FUT9: variants seen among roughly 807,000 people sequenced by gnomAD.
The protein encoded by FUT9 is 4-galactosyl-N-acetylglucosaminide 3-alpha-L-fucosyltransferase 9.
Under a neutral mutation model 29.7 loss-of-function variants are expected in FUT9, and 15 were observed. That is an observed-to-expected ratio of 0.51 (90% CI 0.34 to 0.78). FUT9 has a LOEUF of 0.78. FUT9 is among the 30% of genes least tolerant of loss of function. FUT9 has a pLI of 0.01. For missense variants in FUT9, 319 were observed against 425.4 expected (o/e 0.75, Z 2.20); for synonymous variants, 169 against 153.7 (o/e 1.10, Z -0.74).
chr6:96,086,212 C>T (rs917073000), intron 1 of FUT9, among the ~76,000 whole-genome samples: 3 of 152,186 alleles, frequency 2.0e-5, no homozygotes, highest in Admixed American at 1.3e-4. Context: ...TTATTGCCAA[C>T]ACTTTGTGTT....
chr6:96,156,594 A>G (rs1772789746), intron 2 of FUT9, among the ~76,000 whole-genome samples: 1 of 152,132 alleles, frequency 6.6e-6, no homozygotes, highest in African/African-American at 2.4e-5. Context: ...CCTAGCGTGC[A>G]TGTGGACCCT....
At chr6:96,077,811 A>G (rs1771163426) in intron 1 of FUT9, among the ~76,000 whole-genome samples, 1 of 152,188 alleles carries the variant, frequency 6.6e-6, no homozygotes, top group Non-Finnish European at 1.5e-5. Flanking sequence ...CTCAACTAAT[A>G]ATGTAGTCAA....
At position 96,205,668 on chromosome 6, in the gene FUT9, G is replaced by A. The variant is rs1422983062; in HGVS notation, c.*1433G>A. On this transcript the variant is annotated 3_prime_UTR_variant, in exon 3 of 3. Coordinates refer to ENST00000302103, the MANE Select transcript of FUT9 (RefSeq NM_006581.4). ...AGATGGGCCATTAAGGATTCTTCAAGGAAAACATTCCTCAAAATGATCTTT... is the reference window on the plus strand; with the variant it reads ...AGATGGGCCATTAAGGATTCTTCAAAGAAAACATTCCTCAAAATGATCTTT... 2.4e-5 allele frequency: 4 copies of A among 166,332 alleles called. No homozygotes were observed. The highest frequency in any genetic ancestry group is 9.7e-5 in the African/African-American group (4 of 41,438). 10.3% of individuals were successfully genotyped at this position (166,332 alleles called of 1,614,324 possible). A position where few individuals can be genotyped will look rare whatever the true frequency, so the allele number is the denominator to read the frequency against.
intron 1 of FUT9, among the ~76,000 whole-genome samples, chr6:96,077,227 C>T (rs2127949469): frequency 6.6e-6 from 1 of 152,176 alleles, no homozygotes; most frequent in South Asian, 2.1e-4. Flanking sequence ...TGCTCCCCCA[C>T]CAACACACAC....
intron 2 of FUT9, among the ~76,000 whole-genome samples, chr6:96,138,754 T>C (rs1354576403): frequency 6.6e-6 from 1 of 151,826 alleles, no homozygotes; most frequent in Non-Finnish European, 1.5e-5. Context: ...CCATAACAGA[T>C]TTTTTTTAAG....
At chr6:96,019,531 G>C (rs79979354) in intron 1 of FUT9, among the ~76,000 whole-genome samples, 10,370 of 151,938 alleles carry the variant, frequency 0.068, 424 homozygotes, top group Admixed American at 0.12. Flanking sequence ...ATTCAGGAGG[G>C]AGTATTTAGC....
intron 2 of FUT9, among the ~76,000 whole-genome samples, chr6:96,159,332 T>C (rs1463601319): frequency 1.3e-5 from 2 of 151,946 alleles, no homozygotes; most frequent in Non-Finnish European, 2.9e-5. Context: ...TTGATCCCTC[T>C]GAATGATGAT....
chr6:96,079,692 T>C (rs909214463), intron 1 of FUT9, among the ~76,000 whole-genome samples: 3 of 151,584 alleles, frequency 2.0e-5, no homozygotes, highest in Non-Finnish European at 4.4e-5. Context: ...AATATGTTTC[T>C]AGTGTAAAAA....
At chr6:96,114,454 A>T (rs533703424) in intron 2 of FUT9, among the ~76,000 whole-genome samples, 290 of 151,972 alleles carry the variant, frequency 1.9e-3, no homozygotes, top group African/African-American at 6.5e-3. Context: ...AGTAAAAAAA[A>T]TTAGACATGG....
intron 2 of FUT9, among the ~76,000 whole-genome samples, chr6:96,176,054 T>C (rs1773197195): frequency 6.6e-6 from 1 of 152,218 alleles, no homozygotes; most frequent in Non-Finnish European, 1.5e-5. Context: ...CTCCTGCTTT[T>C]GGACATCAGA....
chr6:96,104,634 C>T (rs986861986), intron 1 of FUT9, among the ~76,000 whole-genome samples: 2 of 152,138 alleles, frequency 1.3e-5, no homozygotes, highest in African/African-American at 4.8e-5. Context: ...AGGTTCATGC[C>T]ATTCTCCTGC....
At chr6:96,164,433 T>C (rs1049393956) in intron 2 of FUT9, among the ~76,000 whole-genome samples, 1 of 152,008 alleles carries the variant, frequency 6.6e-6, no homozygotes, top group South Asian at 2.1e-4. Flanking sequence ...TAATTTTTTG[T>C]ATTTGTAGCA....
At chr6:96,154,531 T>C (rs1772739986) in intron 2 of FUT9, among the ~76,000 whole-genome samples, 1 of 152,194 alleles carries the variant, frequency 6.6e-6, no homozygotes, top group African/African-American at 2.4e-5. Flanking sequence ...TCAAGGAAAG[T>C]AAATGTATTA....
chr6:96,196,735 A>AAATAT (rs1332251116), intron 2 of FUT9, among the ~76,000 whole-genome samples: 1 of 152,030 alleles, frequency 6.6e-6, no homozygotes, highest in African/African-American at 2.4e-5. Flanking sequence ...AAATAAAATA[A>AAATAT]CAAAGGGGAG....
chr6:96,118,245 A>G (rs1304146397), intron 2 of FUT9, among the ~76,000 whole-genome samples: 1 of 151,380 alleles, frequency 6.6e-6, no homozygotes, highest in Non-Finnish European at 1.5e-5. Flanking sequence ...CTGGGAAATC[A>G]TTATTGCTAA....
intron 2 of FUT9, among the ~76,000 whole-genome samples, chr6:96,143,495 A>G (rs1159267421): frequency 1.3e-5 from 2 of 149,744 alleles, no homozygotes. Flanking sequence ...TTTTCCTTCC[A>G]TCCTTCCTTT....
chr6:96,203,627 T>C lies in FUT9; in HGVS notation c.472T>C (p.Tyr158His). The change falls in exon 3 of 3, where the codon TAC (tyrosine) becomes CAC (histidine). Residue 158 changes from tyrosine to histidine, a missense_variant. By Grantham distance (83) the Tyr-to-His change is moderately conservative. Coordinates refer to ENST00000302103, the MANE Select transcript of FUT9 (RefSeq NM_006581.4). ...IEHLFNLTLT[Y>H]RRDSDIQVPY... ...GCACTTGTTTAACCTGACTCTGACT[T>C]ACCGCCGTGATTCAGATATCCAAGT... 6.2e-7 allele frequency: 1 copy of C among 1,614,028 alleles called. No homozygotes were observed. Among genetic ancestry groups the C allele is most frequent in the Non-Finnish European group, 8.5e-7 (1 of 1,179,988 alleles).
intron 1 of FUT9, among the ~76,000 whole-genome samples, chr6:96,103,933 T>A (rs2127957857): frequency 6.6e-6 from 1 of 152,310 alleles, no homozygotes; most frequent in South Asian, 2.1e-4. Context: ...AAGGTCCCAT[T>A]CACAGGTACC....
chr6:96,101,959 T>A (rs768207839), intron 1 of FUT9, among the ~76,000 whole-genome samples: 1 of 152,146 alleles, frequency 6.6e-6, no homozygotes, highest in Non-Finnish European at 1.5e-5. Context: ...TATGAAGATA[T>A]ATTTAATAGT....
Sources: allele counts gnomAD v4.1 joint callset (sites outside exome capture counted in the v4.1 genomes callset), GRCh38; gene constraint gnomAD v4.1.1; transcripts MANE v1.5; gene names NCBI Gene and HGNC (gene_info 2026-07-23, HGNC 2026-07-21).